Variants in SCIN observed in about 807,000 individuals in gnomAD.
The protein encoded by SCIN is scinderin.
In SCIN, 91 loss-of-function variants were observed where a neutral mutation model predicts 91.8. That is an observed-to-expected ratio of 0.99 (90% CI 0.84 to 1.18). The LOEUF (loss-of-function observed/expected upper bound fraction) is 1.18, where lower values mean the gene tolerates loss of function less well. SCIN is among the 50% of genes most tolerant of loss of function. The probability of loss-of-function intolerance (pLI) is 0.00; values close to 1 mark genes in which losing one functional copy is unlikely to be tolerated. For synonymous variants in SCIN, 367 were observed against 312.6 expected, an observed-to-expected ratio of 1.17 and a Z score of -1.84; for missense variants, 1,087 against 863.9, an observed-to-expected ratio of 1.26 and a Z score of -3.24.
intron 11 of SCIN, among the ~76,000 whole-genome samples, chr7:12,642,951 T>C (rs897292142): frequency 2.6e-5 from 4 of 152,190 alleles, no homozygotes; most frequent in African/African-American, 9.6e-5. Flanking sequence ...TCCAGAACCT[T>C]CTGTGCACGG....
chr7:12,615,300 A>C (rs1783275667), intron 4 of SCIN, among the ~76,000 whole-genome samples: 1 of 152,088 alleles, frequency 6.6e-6, no homozygotes. Flanking sequence ...CCACACATCA[A>C]GGGAGGGACC....
At position 12,659,826 on chromosome 7, in the gene SCIN, C is replaced by G. The variant is rs141075603; in HGVS notation, c.*7111C>G. 0.011 allele frequency: 1,858 copies of G among 172,482 alleles called. 79 individuals are homozygous for G. In the East Asian group the frequency reaches 0.15, roughly 14 times the overall value. The allele number at this position is 172,482 out of a possible 1,614,324, so 10.7% of individuals were successfully genotyped here. A position where few individuals can be genotyped will look rare whatever the true frequency, so the allele number is the denominator to read the frequency against. On this transcript the variant is annotated 3_prime_UTR_variant, in exon 16 of 16. Transcript: ENST00000297029. ...AGCCCAAGCTAAGCCATCATATCCC[C>G]TGTGACCTGCACATATACATCCAGA...
Position 12,636,152 on chromosome 7 carries a change from C to T in SCIN, c.1410+17C>T. The T allele has an allele frequency of 1.3e-6, 2 of 1,583,620 alleles. No individual in the cohort carries two copies. The highest frequency in any genetic ancestry group is 1.1e-5 in the South Asian group (1 of 88,682). On this transcript the variant is annotated intron_variant, in intron 10 of 15. Coordinates refer to ENST00000297029, the MANE Select transcript of SCIN (RefSeq NM_001112706.3). ...GCTGTGCAGGTTGGGATATTTTTACCCCCAAAACTCACACAAGTTAAAGTC... is the reference window on the plus strand; with the variant it reads ...GCTGTGCAGGTTGGGATATTTTTACTCCCAAAACTCACACAAGTTAAAGTC...
chr7:12,616,288 A>G (rs2115264010), intron 4 of SCIN, among the ~76,000 whole-genome samples: 1 of 152,266 alleles, frequency 6.6e-6, no homozygotes, highest in South Asian at 2.1e-4. Context: ...AGAGATGACT[A>G]GAGCCCTCAT....
In SCIN at chr7:12,653,777, C is replaced by G. The variant is rs1017464367; in HGVS notation, c.*1062C>G. The stretch of plus-strand genomic sequence containing the variant: ...CAAGTTACTTACTGGCAGGTAGCCA[C>G]TAGAGAATCTTAGCAATTTTTGTCC... On this transcript the variant is annotated 3_prime_UTR_variant, in exon 16 of 16. Transcript: ENST00000297029. The surrounding 1 kb of genome is among the most constrained non-coding windows in gnomAD (Gnocchi z 4.1). 2.6e-5 allele frequency: 4 copies of G among 152,190 alleles called. No homozygotes were observed. Among genetic ancestry groups the G allele is most frequent in the Non-Finnish European group, 4.4e-5 (3 of 68,032 alleles). The allele number at this position is 152,190 out of a possible 1,614,324, so 9.4% of individuals were successfully genotyped here.
In SCIN at chr7:12,652,832, G is replaced by A. The variant is rs545398795; in HGVS notation, c.*117G>A. On this transcript the variant is annotated 3_prime_UTR_variant, in exon 16 of 16. Coordinates refer to ENST00000297029, the MANE Select transcript of SCIN (RefSeq NM_001112706.3). ...TCTTTTGAAAATTAAGGCTGGGCGC[G>A]GTGGCTCACACCTGTAATCCCAGCA... 3.9e-5 allele frequency: 50 copies of A among 1,284,996 alleles called. No homozygotes were observed. Among genetic ancestry groups the A allele is most frequent in the East Asian group, 1.8e-4 (7 of 39,530 alleles). The allele number at this position is 1,284,996 out of a possible 1,614,324, so 79.6% of individuals were successfully genotyped here.
chr7:12,633,722 A>G (rs756578789), intron 9 of SCIN, among the ~76,000 whole-genome samples: 6 of 152,220 alleles, frequency 3.9e-5, no homozygotes, highest in Non-Finnish European at 8.8e-5. Flanking sequence ...AACAGCTGGA[A>G]GCGAGAACTC....
intron 1 of SCIN, among the ~76,000 whole-genome samples, chr7:12,573,513 C>T (rs1213623027): frequency 6.6e-6 from 1 of 152,128 alleles, no homozygotes; most frequent in Non-Finnish European, 1.5e-5. Context: ...ACATTACATG[C>T]TTGAATGTAT....
intron 1 of SCIN, chr7:12,577,709 A>T: frequency 2.4e-6 from 1 of 411,076 alleles, no homozygotes; most frequent in Admixed American, 3.0e-5. Flanking sequence ...TTTGAGAATT[A>T]GCAAAGCATG....
At chr7:12,577,118 G>A (rs1782388931) in intron 1 of SCIN, among the ~76,000 whole-genome samples, 1 of 152,116 alleles carries the variant, frequency 6.6e-6, no homozygotes, top group Admixed American at 6.5e-5. Flanking sequence ...TATGTTGTAT[G>A]TAAAATACCT....
chr7:12,644,492 G>C, intron 12 of SCIN, 92 bp from the exon 13 acceptor site: 2 of 1,527,350 alleles, frequency 1.3e-6, no homozygotes, highest in Middle Eastern at 3.5e-4. Flanking sequence ...TCTCAACACT[G>C]AAATCAAGGT....
intron 8 of SCIN, among the ~76,000 whole-genome samples, chr7:12,627,688 A>G (rs1783556476): frequency 6.6e-6 from 1 of 152,154 alleles, no homozygotes; most frequent in African/African-American, 2.4e-5. Context: ...GAAGGTCACA[A>G]ATGTCCCTCA....
At position 12,651,993 on chromosome 7, in the gene SCIN, T is replaced by C. The variant is rs550832794; in HGVS notation, c.2020+92T>C. The C allele has an allele frequency of 3.7e-6, 3 of 812,008 alleles. No homozygotes were observed. The South Asian group carries it at 5.1e-5, about 14-fold the overall frequency. 50.3% of individuals were successfully genotyped at this position (812,008 alleles called of 1,614,324 possible). A position where few individuals can be genotyped will look rare whatever the true frequency, so the allele number is the denominator to read the frequency against. ...TCTTTGCCACCATGTCTTACAAAAATACATTTCAAAATCAAGAAGTAGCTT... is the reference window on the plus strand; with the variant it reads ...TCTTTGCCACCATGTCTTACAAAAACACATTTCAAAATCAAGAAGTAGCTT... On this transcript the variant is annotated intron_variant, in intron 15 of 15. Transcript: ENST00000297029. This position sits in a 1 kb window ranked among gnomAD's most constrained non-coding sequence, Gnocchi z 5.9.
At chr7:12,619,922 T>C (rs753455338) in intron 4 of SCIN, among the ~76,000 whole-genome samples, 1 of 152,094 alleles carries the variant, frequency 6.6e-6, no homozygotes, top group African/African-American at 2.4e-5. Context: ...CTTGAGTACA[T>C]TGAAGTTCAG....
intron 2 of SCIN, among the ~76,000 whole-genome samples, chr7:12,580,031 T>A (rs7784343): frequency 0.088 from 13,158 of 149,462 alleles, 763 homozygotes; most frequent in South Asian, 0.2. Flanking sequence ...CATTTTATAT[T>A]TTTTTTTAAT....
rs374711386 is a variant in SCIN, at chr7:12,644,705, T to A, written c.1881T>A (p.Val627=). The A allele has an allele frequency of 2.6e-6, 4 of 1,556,518 alleles. No homozygotes were observed. The African/African-American group carries it at 4.1e-5, about 16-fold the overall frequency. The change falls in exon 13 of 16, where the codon GTT becomes GTA. Residue 627 remains valine, a splice_region_variant and synonymous_variant. Coordinates refer to ENST00000297029, the MANE Select transcript of SCIN (RefSeq NM_001112706.3). ...GCTCTAACAAAACTGGAAGATTTGT[T>A]GTAAGTGTCCTTAAAAATAGTGCGA... is the stretch of plus-strand genomic sequence containing the variant. ...YGCSNKTGRF[V]IEEIPGEFTQ...
intron 3 of SCIN, among the ~76,000 whole-genome samples, chr7:12,590,360 C>G (rs1485425178): frequency 6.6e-6 from 1 of 151,866 alleles, no homozygotes; most frequent in Non-Finnish European, 1.5e-5. Context: ...GTGGAGGGCC[C>G]CTTGGGAGGA....
chr7:12,615,667 A>G (rs1323301747), intron 4 of SCIN, among the ~76,000 whole-genome samples: 2 of 152,038 alleles, frequency 1.3e-5, no homozygotes, highest in African/African-American at 4.8e-5. Context: ...CATCCAAATT[A>G]CAGGGGCATT....
Position 12,658,487 on chromosome 7 carries a change from A to G in SCIN, c.*5772A>G, listed in dbSNP as rs948787891. 2 of 152,198 alleles carry G rather than the reference A, an allele frequency of 1.3e-5. No homozygotes were observed. Among genetic ancestry groups the G allele is most frequent in the African/African-American group, 2.4e-5 (1 of 41,444 alleles). The allele number at this position is 152,198 out of a possible 1,614,324, so 9.4% of individuals were successfully genotyped here. A position where few individuals can be genotyped will look rare whatever the true frequency, so the allele number is the denominator to read the frequency against. On this transcript the variant is annotated 3_prime_UTR_variant, in exon 16 of 16. Coordinates refer to ENST00000297029, the MANE Select transcript of SCIN (RefSeq NM_001112706.3). ...TGAGCCTGGATTCTTCAGTAACACAATGCCTTCTGAGAAACAATGTTGTTC... is the reference window on the plus strand; with the variant it reads ...TGAGCCTGGATTCTTCAGTAACACAGTGCCTTCTGAGAAACAATGTTGTTC...
Sources: allele counts gnomAD v4.1 joint callset (sites outside exome capture counted in the v4.1 genomes callset), GRCh38; gene constraint gnomAD v4.1.1; non-coding constraint Gnocchi (gnomAD v3.1); transcripts MANE v1.5; gene names NCBI Gene and HGNC (gene_info 2026-07-23, HGNC 2026-07-21).